The following HIGD1A variants were observed in gnomAD, a reference collection of about 807,000 sequenced individuals.
The protein encoded by HIGD1A is HIG1 domain family member 1A, mitochondrial.
Under a neutral mutation model 11.3 loss-of-function variants are expected in HIGD1A, and 8 were observed. The ratio of observed to expected loss-of-function variants is 0.71; its 90% CI spans 0.42 to 1.28. The LOEUF (loss-of-function observed/expected upper bound fraction) is 1.28, where lower values mean the gene tolerates loss of function less well. Among genes scored for constraint, HIGD1A ranks in the 50% most tolerant of loss-of-function variants. The pLI is 0.01. For missense variants in HIGD1A, 107 were observed against 118.8 expected (o/e 0.90, Z 0.46); for synonymous variants, 32 against 38.4 (o/e 0.83, Z 0.62).
chr3:42,804,148 A>G, intron 1 of HIGD1A: 1 of 1,606,742 alleles, frequency 6.2e-7, no homozygotes, highest in Non-Finnish European at 8.5e-7. Flanking sequence ...CCCATCAGCG[A>G]GTCTTCCCCG....
At chr3:42,792,625 G>T (rs1700437994) in intron 2 of HIGD1A, among the ~76,000 whole-genome samples, 1 of 148,558 alleles carries the variant, frequency 6.7e-6, no homozygotes, top group African/African-American at 2.5e-5. Flanking sequence ...AGTGAGCCAA[G>T]ATCCTGCCAC....
chr3:42,787,594 AATAT>A (rs1163603645), intron 2 of HIGD1A, among the ~76,000 whole-genome samples: 1 of 141,256 alleles, frequency 7.1e-6, no homozygotes, highest in African/African-American at 2.6e-5. Flanking sequence ...CCATCTCAAA[AATAT>A]ATATATATAT....
intron 1 of HIGD1A, among the ~76,000 whole-genome samples, chr3:42,794,800 A>G (rs1419143714): frequency 1.3e-5 from 2 of 152,158 alleles, no homozygotes; most frequent in African/African-American, 4.8e-5. Flanking sequence ...TTTTCACTTC[A>G]GATTAGTTTC....
chr3:42,800,151 C>T (rs1442530665), intron 1 of HIGD1A, among the ~76,000 whole-genome samples: 2 of 151,698 alleles, frequency 1.3e-5, no homozygotes, highest in South Asian at 2.1e-4. Context: ...CATGGTGAAA[C>T]CCCCATCTCT....
chr3:42,790,699 T>G (rs947180613), intron 2 of HIGD1A, among the ~76,000 whole-genome samples: 1 of 152,218 alleles, frequency 6.6e-6, no homozygotes, highest in African/African-American at 2.4e-5. Flanking sequence ...TGCACCACAT[T>G]CTAAAATTTC....
At chr3:42,802,574 G>A (rs1559679533) in intron 1 of HIGD1A, among the ~76,000 whole-genome samples, 1 of 152,148 alleles carries the variant, frequency 6.6e-6, no homozygotes, top group South Asian at 2.1e-4. Context: ...TTACCACGTA[G>A]AAGTTTCCAA....
intron 1 of HIGD1A, among the ~76,000 whole-genome samples, chr3:42,801,596 T>C (rs896064727): frequency 1.3e-5 from 2 of 152,180 alleles, no homozygotes; most frequent in African/African-American, 4.8e-5. Flanking sequence ...TACAAAAAAA[T>C]AACAATCATA....
intron 2 of HIGD1A, among the ~76,000 whole-genome samples, chr3:42,789,907 G>C (rs1221293438): frequency 6.6e-6 from 1 of 151,852 alleles, no homozygotes; most frequent in African/African-American, 2.4e-5. Context: ...TTTTTTTGTA[G>C]AGACAGGGTC....
At chr3:42,787,162 A>G (rs1025458978) in intron 2 of HIGD1A, among the ~76,000 whole-genome samples, 2 of 152,190 alleles carry the variant, frequency 1.3e-5, no homozygotes, top group African/African-American at 4.8e-5. Context: ...AACGTGTGCT[A>G]AAGGTCTTAG....
intron 1 of HIGD1A, among the ~76,000 whole-genome samples, chr3:42,799,491 C>G (rs1429286540): frequency 3.9e-5 from 6 of 152,166 alleles, no homozygotes; most frequent in African/African-American, 7.2e-5. Flanking sequence ...GAGACAGGGT[C>G]TAGTTGCCAC....
At chr3:42,794,539 AAT>A (rs1700471216) in intron 1 of HIGD1A, among the ~76,000 whole-genome samples, 1 of 152,212 alleles carries the variant, frequency 6.6e-6, no homozygotes, top group Non-Finnish European at 1.5e-5. Context: ...GTTAATTAAA[AAT>A]AGTGAAAAAT....
chr3:42,799,863 G>C (rs1163927465), intron 1 of HIGD1A, among the ~76,000 whole-genome samples: 8 of 152,152 alleles, frequency 5.3e-5, no homozygotes, highest in South Asian at 2.1e-4. Flanking sequence ...ACACAGACAA[G>C]GTCTGAATTT....
chr3:42,804,147 G>T, intron 1 of HIGD1A: 1 of 1,606,006 alleles, frequency 6.2e-7, no homozygotes, highest in Non-Finnish European at 8.5e-7. Flanking sequence ...CCCCATCAGC[G>T]AGTCTTCCCC....
In HIGD1A at chr3:42,786,069, C is replaced by T; in HGVS notation, c.191G>A (p.Arg64His). ...TACAACAAAGCCTTGGGCTGCCACA[C>T]GCATGTGGATCAGATGAATGGACAT... ...TKMSIHLIHM[R>H]VAAQGFVVGA... is the part of the protein sequence containing the mutation. The change falls in exon 3 of 4, where the codon CGT (arginine) becomes CAT (histidine). Residue 64 changes from arginine (R) to histidine (H), a missense_variant. Arg to His is a conservative substitution (Grantham distance 29). Transcript: ENST00000321331. The T allele has an allele frequency of 1.9e-6, 3 of 1,612,878 alleles. No individual in the cohort carries two copies. Among genetic ancestry groups the T allele is most frequent in the Non-Finnish European group, 2.5e-6 (3 of 1,179,668 alleles).
chr3:42,785,070 A>T lies in HIGD1A; in HGVS notation c.*201T>A. 8.3e-6 allele frequency: 4 copies of T among 481,474 alleles called. No homozygotes were observed. The highest frequency in any genetic ancestry group is 3.8e-5 in the Admixed American group (1 of 26,520). 29.8% of individuals were successfully genotyped at this position (481,474 alleles called of 1,614,324 possible). A position where few individuals can be genotyped will look rare whatever the true frequency, so the allele number is the denominator to read the frequency against. ...TAAGTTAACTTGACTTCCTTGAATGACCTAGTTAGTAAACTAGTCACTAGT... is the reference window on the plus strand; with the variant it reads ...TAAGTTAACTTGACTTCCTTGAATGTCCTAGTTAGTAAACTAGTCACTAGT... On this transcript the variant is annotated 3_prime_UTR_variant, in exon 4 of 4. Coordinates refer to ENST00000321331, the MANE Select transcript of HIGD1A (RefSeq NM_014056.4).
In HIGD1A at chr3:42,785,021, T is replaced by A. The variant is rs2125923209; in HGVS notation, c.*250A>T. 2.3e-6 allele frequency: 1 copy of A among 433,638 alleles called. No individual in the cohort carries two copies. The highest frequency in any genetic ancestry group is 2.0e-5 in the African/African-American group (1 of 49,438). 26.9% of individuals were successfully genotyped at this position (433,638 alleles called of 1,614,324 possible). A position where few individuals can be genotyped will look rare whatever the true frequency, so the allele number is the denominator to read the frequency against. On this transcript the variant is annotated 3_prime_UTR_variant, in exon 4 of 4. Transcript: ENST00000321331. ...TAAGAAGGTGGACATTTCAACACCATCAAGTGCATTTAGGTGACATGTTTA... is the reference window on the plus strand; with the variant it reads ...TAAGAAGGTGGACATTTCAACACCAACAAGTGCATTTAGGTGACATGTTTA...
chr3:42,792,489 C>A (rs934750712), intron 2 of HIGD1A, among the ~76,000 whole-genome samples: 5 of 150,980 alleles, frequency 3.3e-5, no homozygotes, highest in African/African-American at 1.2e-4. Context: ...CTGGCTAACA[C>A]GGTGAAACCC....
In HIGD1A at chr3:42,804,448, A is replaced by C. The variant is rs1473076108; in HGVS notation, c.-35T>G. ...TTGTTTCGCTTACCTAGAGCGAGAAAACCTCTCACACCCCAACCGGCTTCC... is the reference window on the plus strand; with the variant it reads ...TTGTTTCGCTTACCTAGAGCGAGAACACCTCTCACACCCCAACCGGCTTCC... On this transcript the variant is annotated 5_prime_UTR_variant, in exon 1 of 4. Coordinates refer to ENST00000321331, the MANE Select transcript of HIGD1A (RefSeq NM_014056.4). 25 of 486,644 alleles carry C rather than the reference A, an allele frequency of 5.1e-5. No homozygotes were observed. Among genetic ancestry groups the C allele is most frequent in the Non-Finnish European group, 7.6e-5 (21 of 274,632 alleles). The allele number at this position is 486,644 out of a possible 1,614,324, so 30.1% of individuals were successfully genotyped here.
intron 2 of HIGD1A, among the ~76,000 whole-genome samples, chr3:42,790,527 C>T (rs1344418918): frequency 6.6e-6 from 1 of 151,970 alleles, no homozygotes; most frequent in African/African-American, 2.4e-5. Flanking sequence ...AGCAAGACTC[C>T]GTCTCGAAAG....
Sources: allele counts gnomAD v4.1 joint callset (sites outside exome capture counted in the v4.1 genomes callset), GRCh38; gene constraint gnomAD v4.1.1; transcripts MANE v1.5; gene names NCBI Gene and HGNC (gene_info 2026-07-23, HGNC 2026-07-21).